The following MCTP1 variants were observed in gnomAD, a reference collection of about 807,000 sequenced individuals.
MCTP1 encodes the protein multiple C2 and transmembrane domain-containing protein 1.
In MCTP1, 69 loss-of-function variants were observed where a neutral mutation model predicts 120.6. That is an observed-to-expected ratio of 0.57 (90% confidence interval 0.47 to 0.70). The LOEUF is 0.70. Ranked by LOEUF, MCTP1 falls within the 30% of genes least tolerant of loss-of-function variation. The pLI, the probability that MCTP1 is intolerant of heterozygous loss-of-function variation, is 0.00. For synonymous variants in MCTP1, 529 were observed against 493.1 expected, an observed-to-expected ratio of 1.07 and a Z score of -0.96; for missense variants, 1,203 against 1,248.8, an observed-to-expected ratio of 0.96 and a Z score of 0.55.
Position 95,170,026 on chromosome 5 carries a change from C to T in MCTP1, c.720+113830G>A, listed in dbSNP as rs536644685. Among the ~76,000 whole-genome samples the T allele has an allele frequency of 1.1e-4, 16 of 152,318 alleles. No individual in the cohort carries two copies. The East Asian group carries it at 2.5e-3, about 24-fold the overall frequency. ...TTAGGGTGTCTATTTTAGATCTTTGCTGCTTTCTCTTGTGGACATTTAGTG... is the reference window on the plus strand; with the variant it reads ...TTAGGGTGTCTATTTTAGATCTTTGTTGCTTTCTCTTGTGGACATTTAGTG... On this transcript the variant is annotated intron_variant, in intron 1 of 22. Coordinates refer to ENST00000515393, the MANE Select transcript of MCTP1 (RefSeq NM_024717.7).
intron 12 of MCTP1, among the ~76,000 whole-genome samples, chr5:94,873,839 T>C (rs529977078): frequency 2.0e-5 from 3 of 151,768 alleles, no homozygotes; most frequent in Non-Finnish European, 4.4e-5. Context: ...CATTTGAAAC[T>C]AAACATCAAC....
intron 16 of MCTP1, 57 bp downstream of exon 16, chr5:94,870,360 T>G (rs1581122796): frequency 4.3e-6 from 5 of 1,150,286 alleles, no homozygotes; most frequent in East Asian, 4.7e-5. Context: ...TTTACTTAGA[T>G]GTTTTACAGA....
At chr5:95,150,009 T>C (rs868309185) in intron 1 of MCTP1, among the ~76,000 whole-genome samples, 1 of 152,092 alleles carries the variant, frequency 6.6e-6, no homozygotes, top group African/African-American at 2.4e-5. Context: ...CCTTGATGAG[T>C]CCTGATATGG....
intron 19 of MCTP1, among the ~76,000 whole-genome samples, chr5:94,763,057 T>C (rs1340868558): frequency 1.3e-5 from 2 of 152,224 alleles, no homozygotes; most frequent in Non-Finnish European, 2.9e-5. Flanking sequence ...AATAATCTAT[T>C]AGCTATTTAA....
In MCTP1 at chr5:95,107,852, A is replaced by T. The variant is rs146875817; in HGVS notation, c.721-90368T>A. On this transcript the variant is annotated intron_variant, in intron 1 of 22. Coordinates refer to ENST00000515393, the MANE Select transcript of MCTP1 (RefSeq NM_024717.7). ...GTTTTTCAAGTTTGGATTTCCTTCT[A>T]TGTTTTTATTTTAAGTTCCAGGATA... Among the ~76,000 whole-genome samples, 766 of 152,228 alleles carry T rather than the reference A, an allele frequency of 5.0e-3. 5 individuals carry two copies. The highest frequency in any genetic ancestry group is 7.7e-3 in the Admixed American group (118 of 15,280).
At chr5:95,032,524 A>G (rs75552688) in intron 1 of MCTP1, among the ~76,000 whole-genome samples, 3,520 of 152,202 alleles carry the variant, frequency 0.023, 145 homozygotes, top group African/African-American at 0.081. Flanking sequence ...GGAAATAAAA[A>G]AAATTTTTGA....
chr5:94,938,766 A>G (rs964314875), intron 5 of MCTP1, among the ~76,000 whole-genome samples: 1 of 152,092 alleles, frequency 6.6e-6, no homozygotes, highest in Non-Finnish European at 1.5e-5. Context: ...ATGCACATTT[A>G]TAATTGATTC....
intron 1 of MCTP1, among the ~76,000 whole-genome samples, chr5:95,273,954 A>G (rs1296366197): frequency 1.3e-5 from 2 of 152,184 alleles, no homozygotes; most frequent in African/African-American, 4.8e-5. Flanking sequence ...CCAAGGTCAG[A>G]GCACAGCCCA....
chr5:94,728,621 T>C (rs535788374), intron 19 of MCTP1, among the ~76,000 whole-genome samples: 3 of 152,212 alleles, frequency 2.0e-5, no homozygotes, highest in Non-Finnish European at 2.9e-5. Context: ...CCAATAGGAG[T>C]TGATGTGGGA....
chr5:94,812,501 A>C (rs563039315), intron 17 of MCTP1, among the ~76,000 whole-genome samples: 12 of 151,956 alleles, frequency 7.9e-5, no homozygotes, highest in East Asian at 3.9e-4. Context: ...CAAAACAAAA[A>C]AAAAACCCTT....
At chr5:95,220,874 C>T (rs538081177) in intron 1 of MCTP1, among the ~76,000 whole-genome samples, 2 of 152,306 alleles carry the variant, frequency 1.3e-5, no homozygotes, top group Non-Finnish European at 2.9e-5. Context: ...ATTGCCATAA[C>T]ATCTCCCTTA....
At chr5:95,259,572 C>T (rs1307010981) in intron 1 of MCTP1, among the ~76,000 whole-genome samples, 1 of 152,166 alleles carries the variant, frequency 6.6e-6, no homozygotes, top group Non-Finnish European at 1.5e-5. Flanking sequence ...TTTAATAACA[C>T]CTTAATACAC....
chr5:94,787,126 T>C (rs1777900752), intron 18 of MCTP1, among the ~76,000 whole-genome samples: 1 of 152,224 alleles, frequency 6.6e-6, no homozygotes, highest in South Asian at 2.1e-4. Flanking sequence ...TGAAACGCCC[T>C]GTTCTTTGCT....
chr5:95,121,671 G>C (rs1758251153), intron 1 of MCTP1, among the ~76,000 whole-genome samples: 1 of 151,498 alleles, frequency 6.6e-6, no homozygotes, highest in East Asian at 1.9e-4. Context: ...AATAGAACCA[G>C]AAAAGACCCA....
intron 1 of MCTP1, among the ~76,000 whole-genome samples, chr5:95,170,738 C>A (rs966762534): frequency 6.6e-6 from 1 of 152,112 alleles, no homozygotes; most frequent in African/African-American, 2.4e-5. Flanking sequence ...GCAACCCCTG[C>A]CTTTTTTTGT....
In MCTP1 at chr5:94,799,151, A is replaced by G. The variant is rs767847116; in HGVS notation, c.2437-19T>C. On this transcript the variant is annotated intron_variant, in intron 17 of 22. Transcript: ENST00000515393. The stretch of plus-strand genomic sequence containing the variant: ...GAAAGAGCTGGAGGAGATAGAAGAG[A>G]GAAGAAGGGATGAGTCAACACTGAA... 6.2e-7 allele frequency: 1 copy of G among 1,607,298 alleles called. No homozygotes were observed. Among genetic ancestry groups the G allele is most frequent in the Non-Finnish European group, 8.5e-7 (1 of 1,176,638 alleles).
At chr5:95,197,361 G>T (rs112723114) in intron 1 of MCTP1, among the ~76,000 whole-genome samples, 2 of 152,090 alleles carry the variant, frequency 1.3e-5, no homozygotes, top group African/African-American at 2.4e-5. Context: ...ACTATTCAGC[G>T]TTTATTCTAT....
At chr5:95,050,264 A>T (rs1357735050) in intron 1 of MCTP1, among the ~76,000 whole-genome samples, 1 of 152,240 alleles carries the variant, frequency 6.6e-6, no homozygotes, top group East Asian at 1.9e-4. Context: ...AGATAAATAA[A>T]ATACAATTCC....
chr5:94,995,342 AC>A (rs1832422518), intron 2 of MCTP1, among the ~76,000 whole-genome samples: 1 of 152,160 alleles, frequency 6.6e-6, no homozygotes, highest in Non-Finnish European at 1.5e-5. Context: ...TGGGTACCAA[AC>A]TTTGAGAATC....
Sources: gnomAD v4.1 joint callset for allele counts (sites outside exome capture counted in the v4.1 genomes callset) on GRCh38, gnomAD v4.1.1 for gene constraint, MANE v1.5 for transcripts, NCBI Gene and HGNC (gene_info 2026-07-23, HGNC 2026-07-21) for gene names.